RALYL: variants seen among roughly 807,000 people sequenced by gnomAD.
RALYL encodes RALY RNA binding protein like.
In RALYL, 29 loss-of-function variants were observed where a neutral mutation model predicts 35.1. That is an observed-to-expected ratio of 0.83 (90% CI 0.61 to 1.13). RALYL has a LOEUF of 1.13. Among genes scored for constraint, RALYL ranks in the 50% most tolerant of loss-of-function variants. The pLI is 0.00. For missense variants in RALYL, 359 were observed against 360.4 expected, an observed-to-expected ratio of 1.00 and a Z score of 0.03; for synonymous variants, 120 against 127.6, an observed-to-expected ratio of 0.94 and a Z score of 0.40.
At chr8:84,770,636 T>C (rs1000474508) in intron 2 of RALYL, among the ~76,000 whole-genome samples, 1 of 152,136 alleles carries the variant, frequency 6.6e-6, no homozygotes, top group East Asian at 1.9e-4. Flanking sequence ...CTGTTTTCCA[T>C]AGGGTTGTAC....
At chr8:84,324,411 AT>A (rs1845426653) in intron 1 of RALYL, among the ~76,000 whole-genome samples, 1 of 151,996 alleles carries the variant, frequency 6.6e-6, no homozygotes, top group African/African-American at 2.4e-5. Flanking sequence ...ACCTTTTTAA[AT>A]CATTCCATGC....
intron 2 of RALYL, among the ~76,000 whole-genome samples, chr8:84,641,698 T>C (rs1299941163): frequency 6.7e-6 from 1 of 150,022 alleles, no homozygotes; most frequent in Non-Finnish European, 1.5e-5. Context: ...AACACCTAAG[T>C]AAGAAACTTA....
intron 5 of RALYL, 71 bp from the exon 6 acceptor site, chr8:84,862,225 C>T (rs1388615825): frequency 1.6e-5 from 21 of 1,278,670 alleles, no homozygotes; most frequent in Admixed American, 3.3e-5. Flanking sequence ...ACATTCTGTT[C>T]AACATTTCAC....
At chr8:84,348,145 G>T (rs1419518785) in intron 1 of RALYL, among the ~76,000 whole-genome samples, 1 of 152,052 alleles carries the variant, frequency 6.6e-6, no homozygotes, top group East Asian at 1.9e-4. Flanking sequence ...TATTAAGTTA[G>T]ATTACAGTTT....
chr8:84,637,900 TAAGA>T (rs370475334), intron 2 of RALYL, among the ~76,000 whole-genome samples: 17 of 151,988 alleles, frequency 1.1e-4, no homozygotes, highest in African/African-American at 3.9e-4. Context: ...GAGTGTATGG[TAAGA>T]AAGAGAGGGA....
chr8:84,751,262 C>T (rs952512543), intron 2 of RALYL, among the ~76,000 whole-genome samples: 1 of 152,064 alleles, frequency 6.6e-6, no homozygotes, highest in African/African-American at 2.4e-5. Context: ...GGCTAGGGTG[C>T]AGTGGCATGA....
At chr8:84,804,382 C>T (rs1251765598) in intron 3 of RALYL, among the ~76,000 whole-genome samples, 1 of 152,146 alleles carries the variant, frequency 6.6e-6, no homozygotes, top group Admixed American at 6.5e-5. Context: ...TAACATGTAA[C>T]AAGCACATTA....
chr8:84,412,836 A>G (rs1454349130), intron 1 of RALYL, among the ~76,000 whole-genome samples: 1 of 151,922 alleles, frequency 6.6e-6, no homozygotes, highest in Non-Finnish European at 1.5e-5. Flanking sequence ...TCAAGTAGAG[A>G]CATATAGTTT....
chr8:84,703,754 C>G (rs190890225), intron 2 of RALYL, among the ~76,000 whole-genome samples: 1 of 152,078 alleles, frequency 6.6e-6, no homozygotes, highest in Non-Finnish European at 1.5e-5. Context: ...AACAGAAAAA[C>G]TGTTTTAATT....
chr8:84,420,493 G>T (rs1322968088), intron 1 of RALYL, among the ~76,000 whole-genome samples: 1 of 149,936 alleles, frequency 6.7e-6, no homozygotes, highest in Non-Finnish European at 1.5e-5. Flanking sequence ...CCATGTTGTA[G>T]GTTGCCTGTT....
rs561827543 is a variant in RALYL at position 84,412,473 on chromosome 8, T to G, written c.-23-116826T>G. The stretch of plus-strand genomic sequence containing the variant: ...TCCCTTATTCAGGAAAGCAGGACAT[T>G]TTTTGGTCTGAAGAGATTTCCCTCT... On this transcript the variant is annotated intron_variant, in intron 1 of 8. Coordinates refer to ENST00000521268, the MANE Select transcript of RALYL (RefSeq NM_173848.7). Among the ~76,000 whole-genome samples the G allele has an allele frequency of 5.3e-5, 8 of 152,028 alleles. No individual in the cohort carries two copies. The South Asian group carries it at 1.7e-3, about 31-fold the overall frequency.
At chr8:84,255,729 C>T (rs1831083105) in intron 1 of RALYL, among the ~76,000 whole-genome samples, 1 of 152,012 alleles carries the variant, frequency 6.6e-6, no homozygotes, top group African/African-American at 2.4e-5. Context: ...TTACTAATGA[C>T]ATAATAGCTG....
intron 5 of RALYL, among the ~76,000 whole-genome samples, chr8:84,855,753 CT>C (rs902348757): frequency 1.3e-5 from 2 of 152,154 alleles, no homozygotes; most frequent in African/African-American, 2.4e-5. Context: ...AATCCAACCT[CT>C]TTTTTCAATA....
intron 1 of RALYL, among the ~76,000 whole-genome samples, chr8:84,366,019 T>C (rs960239315): frequency 2.0e-5 from 3 of 152,200 alleles, no homozygotes; most frequent in Non-Finnish European, 4.4e-5. Flanking sequence ...CTTAATTCTT[T>C]GTATCACTTG....
chr8:84,397,223 G>C (rs2042432166), intron 1 of RALYL, among the ~76,000 whole-genome samples: 1 of 152,160 alleles, frequency 6.6e-6, no homozygotes, highest in Non-Finnish European at 1.5e-5. Context: ...CTCCCAGAAG[G>C]AGTGTACCAC....
intron 1 of RALYL, among the ~76,000 whole-genome samples, chr8:84,408,626 T>TG (rs2043794793): frequency 6.6e-6 from 1 of 152,126 alleles, no homozygotes; most frequent in African/African-American, 2.4e-5. Flanking sequence ...CCAGGTGGGT[T>TG]GGGGCTCTTC....
chr8:84,326,036 T>C (rs1845728875), intron 1 of RALYL, among the ~76,000 whole-genome samples: 3 of 152,052 alleles, frequency 2.0e-5, no homozygotes, highest in African/African-American at 7.2e-5. Context: ...CCCTTGAACC[T>C]GGGAGGCGGA....
At chr8:84,771,984 T>C (rs889852729) in intron 2 of RALYL, among the ~76,000 whole-genome samples, 1 of 152,112 alleles carries the variant, frequency 6.6e-6, no homozygotes, top group Non-Finnish European at 1.5e-5. Context: ...ACATTTTATA[T>C]TTTTTCCTTT....
chr8:84,335,668 C>G (rs551187235), intron 1 of RALYL, among the ~76,000 whole-genome samples: 1 of 147,254 alleles, frequency 6.8e-6, no homozygotes, highest in Non-Finnish European at 1.5e-5. Context: ...TTGACTACCT[C>G]AAAGAGTGGT....
Sources: allele counts gnomAD v4.1 joint callset (sites outside exome capture counted in the v4.1 genomes callset), GRCh38; gene constraint gnomAD v4.1.1; transcripts MANE v1.5; gene names NCBI Gene and HGNC (gene_info 2026-07-23, HGNC 2026-07-21).